CUL2: variants seen among roughly 807,000 people sequenced by gnomAD.
CUL2 encodes the protein cullin-2.
Under a neutral mutation model 110.2 loss-of-function variants are expected in CUL2, and 22 were observed. The observed-to-expected ratio is 0.20, with a 90% CI of 0.14 to 0.28. CUL2 has a LOEUF of 0.28. Ranked by LOEUF, CUL2 falls within the 10% of genes least tolerant of loss-of-function variation. The pLI is 1.00. For missense variants in CUL2, 631 were observed against 905.5 expected (o/e 0.70, Z 3.89); for synonymous variants, 279 against 293.2 (o/e 0.95, Z 0.49).
chr10:35,035,410 G>A (rs1205437770), intron 9 of CUL2, 114 bp from the exon 10 acceptor site: 5 of 1,177,738 alleles, frequency 4.2e-6, no homozygotes, highest in Non-Finnish European at 3.6e-6. Flanking sequence ...AGCACCCAGA[G>A]AAAAGTCCCC....
chr10:35,124,512 C>A (rs1285523445), intron 1 of CUL2, among the ~76,000 whole-genome samples: 1 of 152,026 alleles, frequency 6.6e-6, no homozygotes, highest in East Asian at 1.9e-4. Context: ...GTGAATACAA[C>A]CCCTGCCTTG....
intron 6 of CUL2, among the ~76,000 whole-genome samples, chr10:35,047,995 C>A (rs1345467011): frequency 6.6e-6 from 1 of 151,926 alleles, no homozygotes; most frequent in Non-Finnish European, 1.5e-5. Flanking sequence ...TAGATGGAGG[C>A]TGGAGTCAAA....
chr10:35,086,402 C>T (rs1052400161), intron 1 of CUL2, among the ~76,000 whole-genome samples: 1 of 152,018 alleles, frequency 6.6e-6, no homozygotes, highest in African/African-American at 2.4e-5. Flanking sequence ...ATCCTCTCAC[C>T]TCAACCTCCC....
chr10:35,029,060 T>A (rs2085405175), intron 15 of CUL2, among the ~76,000 whole-genome samples, 173 bp from the exon 16 acceptor site: 1 of 133,142 alleles, frequency 7.5e-6, no homozygotes, highest in African/African-American at 2.7e-5. Flanking sequence ...AGGACCTTTT[T>A]TTGTTTTTTT....
At chr10:35,024,302 G>T (rs1405142138) in intron 17 of CUL2, among the ~76,000 whole-genome samples, 14 of 152,126 alleles carry the variant, frequency 9.2e-5, no homozygotes, top group Admixed American at 9.2e-4. Context: ...ACGTTCCCAA[G>T]ATGTAAATTA....
At chr10:35,102,571 C>G (rs1014912929) in intron 1 of CUL2, among the ~76,000 whole-genome samples, 2 of 151,282 alleles carry the variant, frequency 1.3e-5, no homozygotes, top group African/African-American at 4.9e-5. Flanking sequence ...GACTCTGTCT[C>G]AAAAAAATAA....
chr10:35,078,642 T>C (rs1209916427), intron 1 of CUL2, among the ~76,000 whole-genome samples: 3 of 152,178 alleles, frequency 2.0e-5, no homozygotes, highest in African/African-American at 7.2e-5. Flanking sequence ...GTGAACTCAC[T>C]TGCTGGAGCA....
At chr10:35,084,234 G>A (rs1234730922) in intron 1 of CUL2, among the ~76,000 whole-genome samples, 11 of 152,162 alleles carry the variant, frequency 7.2e-5, no homozygotes, top group Admixed American at 4.6e-4. Flanking sequence ...CTGAGATCGC[G>A]CCACTGCACT....
At chr10:35,021,452 C>CACAT (rs1394683948) in intron 17 of CUL2, among the ~76,000 whole-genome samples, 2 of 148,886 alleles carry the variant, frequency 1.3e-5, no homozygotes, top group East Asian at 2.0e-4. Flanking sequence ...TACACACACA[C>CACAT]ACATACATAC....
intron 1 of CUL2, among the ~76,000 whole-genome samples, chr10:35,077,596 T>C (rs900655627): frequency 1.1e-4 from 17 of 151,874 alleles, no homozygotes; most frequent in African/African-American, 3.9e-4. Flanking sequence ...GGCAGGCGCA[T>C]TACCTGAGGT....
intron 17 of CUL2, among the ~76,000 whole-genome samples, chr10:35,022,103 A>C (rs891345560): frequency 6.6e-6 from 1 of 151,968 alleles, no homozygotes; most frequent in African/African-American, 2.4e-5. Flanking sequence ...ACTAGACATG[A>C]GTTTTTTTTG....
chr10:35,023,266 T>C (rs2085249237), intron 17 of CUL2, among the ~76,000 whole-genome samples: 1 of 152,150 alleles, frequency 6.6e-6, no homozygotes, highest in African/African-American at 2.4e-5. Context: ...GAAAAACAAC[T>C]CTAACTCCTG....
chr10:35,104,738 T>C (rs576111081), intron 1 of CUL2, among the ~76,000 whole-genome samples: 96 of 151,896 alleles, frequency 6.3e-4, no homozygotes, highest in African/African-American at 2.2e-3. Flanking sequence ...ATCAAAGACT[T>C]TTCTGGGGGG....
intron 5 of CUL2, among the ~76,000 whole-genome samples, chr10:35,053,891 G>A (rs191607276): frequency 1.8e-4 from 27 of 152,192 alleles, no homozygotes; most frequent in African/African-American, 6.5e-4. Flanking sequence ...CCCAATGCCT[G>A]GCTACTCAAT....
At chr10:35,022,101 T>A (rs1302647130) in intron 17 of CUL2, among the ~76,000 whole-genome samples, 1 of 152,120 alleles carries the variant, frequency 6.6e-6, no homozygotes, top group Non-Finnish European at 1.5e-5. Flanking sequence ...CTACTAGACA[T>A]GAGTTTTTTT....
rs186628586 is a variant in CUL2 at position 35,071,870 on chromosome 10, G to T, written c.-22-531C>A. Reference sequence around the variant, plus strand: ...CATTCATTACAAGCTCTAGGAAATGGAAAGCTTCTAGTACAAATTATTTAT... The same window carrying T: ...CATTCATTACAAGCTCTAGGAAATGTAAAGCTTCTAGTACAAATTATTTAT... On this transcript the variant is annotated intron_variant, in intron 1 of 20. Transcript: ENST00000374749. 3.8e-3 allele frequency among the ~76,000 whole-genome samples: 573 copies of T among 152,286 alleles called. 1 individual carries two copies. The highest frequency in any genetic ancestry group is 0.013 in the African/African-American group (523 of 41,566).
chr10:35,071,561 T>C (rs963698786), intron 1 of CUL2, among the ~76,000 whole-genome samples: 1 of 152,140 alleles, frequency 6.6e-6, no homozygotes, highest in South Asian at 2.1e-4. Context: ...CCCGCCACCA[T>C]GCCCAGCTAA....
intron 1 of CUL2, among the ~76,000 whole-genome samples, chr10:35,080,968 C>T (rs187446334): frequency 2.0e-4 from 31 of 152,096 alleles, no homozygotes; most frequent in African/African-American, 6.3e-4. Context: ...AATCCTAGTA[C>T]TTTGGGAGGC....
At chr10:35,105,093 T>C (rs2087435914) in intron 1 of CUL2, among the ~76,000 whole-genome samples, 1 of 151,158 alleles carries the variant, frequency 6.6e-6, no homozygotes, top group Non-Finnish European at 1.5e-5. Flanking sequence ...CGACATTCAA[T>C]AGGGATTGAA....
Sources: allele counts gnomAD v4.1 joint callset (sites outside exome capture counted in the v4.1 genomes callset), GRCh38; gene constraint gnomAD v4.1.1; transcripts MANE v1.5; gene names NCBI Gene and HGNC (gene_info 2026-07-23, HGNC 2026-07-21).